The following NKAIN3 variants were observed in gnomAD, a reference collection of about 807,000 sequenced individuals.
The protein encoded by NKAIN3 is sodium/potassium transporting ATPase interacting 3, also known as sodium/potassium-transporting ATPase subunit beta-1-interacting protein 3.
A neutral mutation model predicts 30.2 loss-of-function variants in NKAIN3; 25 were observed. That is an observed-to-expected ratio of 0.83 (90% CI 0.60 to 1.16). The LOEUF (loss-of-function observed/expected upper bound fraction) is 1.16. NKAIN3 is among the 50% of genes most tolerant of loss of function. The pLI is 0.00. For synonymous variants in NKAIN3, 91 were observed against 89.6 expected (o/e 1.02, Z -0.09); for missense variants, 225 against 254.1 (o/e 0.89, Z 0.78).
intron 4 of NKAIN3, among the ~76,000 whole-genome samples, chr8:62,898,801 G>A (rs1028924333): frequency 1.2e-4 from 18 of 146,464 alleles, no homozygotes; most frequent in African/African-American, 4.7e-4. Flanking sequence ...ATGATGTACA[G>A]AATGGGAGAA....
At chr8:62,856,282 C>A (rs1820056900) in intron 4 of NKAIN3, 1 of 936,984 alleles carries the variant, frequency 1.1e-6, no homozygotes, top group South Asian at 1.3e-5. Flanking sequence ...CCCTCTGGAC[C>A]AGATTATAAA....
chr8:62,822,846 A>G (rs942110945), intron 4 of NKAIN3, among the ~76,000 whole-genome samples: 4 of 152,206 alleles, frequency 2.6e-5, no homozygotes, highest in Non-Finnish European at 5.9e-5. Context: ...ATGTACCTCC[A>G]CACATCTAGA....
At chr8:62,562,967 A>G (rs1809635809) in intron 1 of NKAIN3, among the ~76,000 whole-genome samples, 4 of 152,026 alleles carry the variant, frequency 2.6e-5, no homozygotes, top group Non-Finnish European at 5.9e-5. Context: ...CCATTTACGT[A>G]AAACCACTGT....
At chr8:62,700,383 G>A (rs1440856146) in intron 3 of NKAIN3, among the ~76,000 whole-genome samples, 2 of 152,184 alleles carry the variant, frequency 1.3e-5, no homozygotes, top group Non-Finnish European at 2.9e-5. Context: ...CGGTCAGGTT[G>A]TTACAACTCC....
chr8:62,416,788 G>T (rs1180489598), intron 1 of NKAIN3, among the ~76,000 whole-genome samples: 2 of 151,812 alleles, frequency 1.3e-5, no homozygotes, highest in African/African-American at 4.8e-5. Context: ...TGAGGTCAGG[G>T]GTTTGAGACT....
chr8:62,428,029 A>G (rs750239773), intron 1 of NKAIN3, among the ~76,000 whole-genome samples: 2 of 151,804 alleles, frequency 1.3e-5, no homozygotes, highest in Non-Finnish European at 2.9e-5. Context: ...GTCAACCACC[A>G]TTCTATTAAC....
At chr8:62,411,341 A>C (rs1161560284) in intron 1 of NKAIN3, among the ~76,000 whole-genome samples, 1 of 152,220 alleles carries the variant, frequency 6.6e-6, no homozygotes, top group Non-Finnish European at 1.5e-5. Context: ...TTTTGATAAA[A>C]TCCAACATCC....
intron 3 of NKAIN3, among the ~76,000 whole-genome samples, chr8:62,610,972 C>A (rs556138958): frequency 1.8e-4 from 27 of 151,984 alleles, no homozygotes; most frequent in Non-Finnish European, 3.7e-4. Context: ...CCATAAAACT[C>A]TTGGCATAAT....
intron 4 of NKAIN3, among the ~76,000 whole-genome samples, chr8:62,858,912 G>C (rs1420175577): frequency 6.6e-6 from 1 of 152,190 alleles, no homozygotes; most frequent in East Asian, 1.9e-4. Context: ...CTTCCTAGGG[G>C]TATGTACAGA....
chr8:62,577,865 G>C (rs879914888), intron 1 of NKAIN3, among the ~76,000 whole-genome samples: 2 of 151,980 alleles, frequency 1.3e-5, no homozygotes, highest in Non-Finnish European at 2.9e-5. Context: ...GTCTGTTGTG[G>C]TTTTCTTTAG....
chr8:62,324,022 C>T (rs1815031145), intron 1 of NKAIN3, among the ~76,000 whole-genome samples: 1 of 151,900 alleles, frequency 6.6e-6, no homozygotes, highest in African/African-American at 2.4e-5. Flanking sequence ...TGAAATGATT[C>T]TGTATGATAT....
intron 4 of NKAIN3, among the ~76,000 whole-genome samples, chr8:62,802,660 A>G (rs780834057): frequency 1.6e-4 from 25 of 152,232 alleles, no homozygotes; most frequent in Non-Finnish European, 3.1e-4. Context: ...CTGCAAAATC[A>G]TGCCAAATTG....
chr8:62,660,915 A>G (rs1267768327), intron 3 of NKAIN3, among the ~76,000 whole-genome samples: 1 of 152,170 alleles, frequency 6.6e-6, no homozygotes, highest in African/African-American at 2.4e-5. Context: ...GGGTCCCTTC[A>G]GGCATCAGGA....
intron 3 of NKAIN3, among the ~76,000 whole-genome samples, chr8:62,710,093 T>TA (rs1374921009): frequency 6.6e-6 from 1 of 152,176 alleles, no homozygotes; most frequent in Non-Finnish European, 1.5e-5. Context: ...GAGTGCTTGT[T>TA]ATAATTTCCA....
At chr8:62,663,140 CAG>C (rs1208720125) in intron 3 of NKAIN3, among the ~76,000 whole-genome samples, 1 of 152,072 alleles carries the variant, frequency 6.6e-6, no homozygotes, top group Non-Finnish European at 1.5e-5. Flanking sequence ...CTGCCCAAAG[CAG>C]AGAGTGATTT....
At chr8:62,788,449 A>C (rs1287468126) in intron 4 of NKAIN3, among the ~76,000 whole-genome samples, 1 of 151,942 alleles carries the variant, frequency 6.6e-6, no homozygotes, top group Admixed American at 6.6e-5. Flanking sequence ...TTGTCAGATG[A>C]GTAGATTGCA....
At chr8:62,601,915 A>G (rs1216361140) in intron 3 of NKAIN3, among the ~76,000 whole-genome samples, 1 of 152,050 alleles carries the variant, frequency 6.6e-6, no homozygotes, top group Non-Finnish European at 1.5e-5. Context: ...TACAGTCCTC[A>G]GTTTCTTTTT....
rs559274018 is a variant in NKAIN3 at position 62,320,955 on chromosome 8, C to G, written c.54+71828C>G. Among the ~76,000 whole-genome samples, 386 of 152,334 alleles carry G rather than the reference C, an allele frequency of 2.5e-3. 1 individual carries two copies. Among genetic ancestry groups the G allele is most frequent in the African/African-American group, 8.8e-3 (365 of 41,584 alleles). On this transcript the variant is annotated intron_variant, in intron 1 of 6. Coordinates refer to ENST00000623646, the MANE Select transcript of NKAIN3 (RefSeq NM_001304533.3). ...TCCAACTTGTTTCCATTCTCCCTGT[C>G]ACTTTCAGGTACACCAATCTGATGT...
chr8:62,857,795 C>T (rs1438606569), intron 4 of NKAIN3, among the ~76,000 whole-genome samples: 1 of 152,168 alleles, frequency 6.6e-6, no homozygotes, highest in Non-Finnish European at 1.5e-5. Context: ...ATTCCTTTAG[C>T]TCAGCGAAGT....
Sources: allele counts gnomAD v4.1 joint callset (sites outside exome capture counted in the v4.1 genomes callset), GRCh38; gene constraint gnomAD v4.1.1; transcripts MANE v1.5; gene names NCBI Gene and HGNC (gene_info 2026-07-23, HGNC 2026-07-21).